UNC5B: variants seen among roughly 807,000 people sequenced by gnomAD.
UNC5B encodes netrin receptor UNC5B.
Under a neutral mutation model 103.7 loss-of-function variants are expected in UNC5B, and 56 were observed. The observed-to-expected ratio is 0.54, with a 90% CI of 0.44 to 0.67. The LOEUF is 0.67. Ranked by LOEUF, UNC5B falls within the 30% of genes least tolerant of loss-of-function variation. UNC5B has a pLI of 0.00. For synonymous variants in UNC5B, 577 were observed against 542.0 expected (o/e 1.06, Z -0.90); for missense variants, 1,194 against 1,284.5 (o/e 0.93, Z 1.08).
intron 1 of UNC5B, among the ~76,000 whole-genome samples, chr10:71,245,366 C>T (rs1447519209): frequency 6.6e-6 from 1 of 152,210 alleles, no homozygotes; most frequent in Admixed American, 6.5e-5. Context: ...TACCGTGAGC[C>T]TAGCTCTGTC....
Position 71,279,844 on chromosome 10 carries a change from C to T in UNC5B, c.103C>T (p.Leu35Phe). 6.2e-7 allele frequency: 1 copy of T among 1,613,638 alleles called. No homozygotes were observed. Among genetic ancestry groups the T allele is most frequent in the Non-Finnish European group, 8.5e-7 (1 of 1,179,844 alleles). ...AGGCACTGATTCTGGCAGCGAGGTG[C>T]TCCCTGACTCCTTCCCGTCAGCGCC... ...QAGTDSGSEV[L>F]PDSFPSAPAE... The change falls in exon 2 of 17, where the codon CTC becomes TTC. Residue 35 changes from leucine (L) to phenylalanine (F), a missense_variant. Leu to Phe is a conservative substitution (Grantham distance 22). Transcript: ENST00000335350.
At chr10:71,276,076 T>G (rs111457014) in intron 1 of UNC5B, among the ~76,000 whole-genome samples, 1 of 152,170 alleles carries the variant, frequency 6.6e-6, no homozygotes, top group African/African-American at 2.4e-5. Flanking sequence ...ATTTTTTCTT[T>G]CAATTTATCC....
At chr10:71,275,595 T>A (rs1448459622) in intron 1 of UNC5B, among the ~76,000 whole-genome samples, 1 of 152,188 alleles carries the variant, frequency 6.6e-6, no homozygotes. Flanking sequence ...ATCACCTGAA[T>A]TTGCCCCCTA....
intron 1 of UNC5B, among the ~76,000 whole-genome samples, chr10:71,215,171 T>C (rs10762430): frequency 6.6e-6 from 1 of 152,076 alleles, no homozygotes; most frequent in African/African-American, 2.4e-5. Flanking sequence ...GGTTTTTCCA[T>C]TGGATCCTTC....
Position 71,291,122 on chromosome 10 carries a change from G to C in UNC5B, c.1294+13G>C, listed in dbSNP as rs1845242132. 2 of 1,605,080 alleles carry C rather than the reference G, an allele frequency of 1.2e-6. No individual in the cohort carries two copies. Among genetic ancestry groups the C allele is most frequent in the African/African-American group, 2.7e-5 (2 of 74,780 alleles). The stretch of plus-strand genomic sequence containing the variant: ...ACGGCAAGGCCCAGTAAGAACCCGA[G>C]GATGTCTGGGGTGGTTGGCAGAGGC... On this transcript the variant is annotated intron_variant, in intron 9 of 16. Transcript: ENST00000335350.
At chr10:71,231,647 A>T (rs115179982) in intron 1 of UNC5B, among the ~76,000 whole-genome samples, 1 of 151,446 alleles carries the variant, frequency 6.6e-6, no homozygotes, top group East Asian at 1.9e-4. Flanking sequence ...AAATCTTAAG[A>T]GTTTTTTTTT....
chr10:71,246,116 G>A (rs761309440), intron 1 of UNC5B, among the ~76,000 whole-genome samples: 1 of 152,134 alleles, frequency 6.6e-6, no homozygotes, highest in Non-Finnish European at 1.5e-5. Flanking sequence ...ACTCCCGCCT[G>A]TGGAAGCCTA....
chr10:71,213,763 T>TGTG lies in UNC5B; in HGVS notation c.79+700_79+701insTGG. Among the ~76,000 whole-genome samples, 1 of 89,350 alleles carries TGTG rather than the reference T, an allele frequency of 1.1e-5. No individual in the cohort carries two copies. The highest frequency in any genetic ancestry group is 1.0e-4 in the Admixed American group (1 of 9,734). The allele number at this position is 89,350 out of a possible 152,430, so 58.6% of individuals were successfully genotyped here. A position where few individuals can be genotyped will look rare whatever the true frequency, so the allele number is the denominator to read the frequency against. On this transcript the variant is annotated intron_variant, in intron 1 of 16. Coordinates refer to ENST00000335350, the MANE Select transcript of UNC5B (RefSeq NM_170744.5). The surrounding 1 kb of genome is among the most constrained non-coding windows in gnomAD (Gnocchi z 4.1). ...TGTGTGTGTGTGTGTGTGTGTGTGT[T>TGTG]GGATGCGGGTAGGGGTTCTTAGCGA...
intron 1 of UNC5B, among the ~76,000 whole-genome samples, chr10:71,236,682 C>G (rs1410007725): frequency 6.6e-6 from 1 of 152,260 alleles, no homozygotes; most frequent in African/African-American, 2.4e-5. Context: ...ACTGGAGACT[C>G]CCTGGCTCTT....
In UNC5B at chr10:71,292,495, C is replaced by T. The variant is rs747757833; in HGVS notation, c.1713C>T (p.Ala571=). 9 of 1,604,230 alleles carry T rather than the reference C, an allele frequency of 5.6e-6. No homozygotes were observed. Among genetic ancestry groups the T allele is most frequent in the Non-Finnish European group, 7.7e-6 (9 of 1,175,594 alleles). ...TCAGCTTGCTGGTGCCCAATGGAGC[C>T]ATTCCCCAGGGCAAGTTCTACGAGA... ...TGVSLLVPNG[A]IPQGKFYEMY... The change falls in exon 11 of 17, where the codon GCC becomes GCT. Residue 571 remains alanine, a synonymous_variant. Coordinates refer to ENST00000335350, the MANE Select transcript of UNC5B (RefSeq NM_170744.5).
In UNC5B at chr10:71,290,930, G is replaced by A. The variant is rs1845232262; in HGVS notation, c.1115G>A (p.Gly372Glu). 1.2e-6 allele frequency: 2 copies of A among 1,612,944 alleles called. No individual in the cohort carries two copies. The highest frequency in any genetic ancestry group is 8.5e-7 in the Non-Finnish European group (1 of 1,179,858). ...DPNSHLLEAS[G>E]DAALYAGLVV... ...GTCCCCGCAGTGCTGGAGGCCTCAG[G>A]GGATGCGGCGCTGTATGCGGGGCTC... Residue 372 changes from glycine (G) to glutamate (E), a missense_variant, in exon 9 of 17, where the codon GGG (glycine) becomes GAG (glutamate). Gly to Glu is a moderately conservative substitution (Grantham distance 98). Coordinates refer to ENST00000335350, the MANE Select transcript of UNC5B (RefSeq NM_170744.5).
chr10:71,287,524 G>T lies in UNC5B; in HGVS notation c.734-74G>T, dbSNP rs1269347846. ...GGCTTCAGCAGAGGGGCCTCGTCAG[G>T]GTGAGGGACGGGTTTGGGGGAGGGC... On this transcript the variant is annotated intron_variant, in intron 5 of 16. Coordinates refer to ENST00000335350, the MANE Select transcript of UNC5B (RefSeq NM_170744.5). The T allele has an allele frequency of 4.6e-6, 7 of 1,507,828 alleles. No individual in the cohort carries two copies. The Middle Eastern group carries it at 9.8e-4, about 212-fold the overall frequency. The allele number at this position is 1,507,828 out of a possible 1,614,324, so 93.4% of individuals were successfully genotyped here.
At chr10:71,271,420 A>T (rs922257063) in intron 1 of UNC5B, among the ~76,000 whole-genome samples, 4 of 152,186 alleles carry the variant, frequency 2.6e-5, no homozygotes, top group Non-Finnish European at 4.4e-5. Flanking sequence ...AAGAAGGGGA[A>T]ACAGAATATC....
At chr10:71,216,363 G>T (rs1388335199) in intron 1 of UNC5B, among the ~76,000 whole-genome samples, 1 of 152,204 alleles carries the variant, frequency 6.6e-6, no homozygotes, top group East Asian at 1.9e-4. Flanking sequence ...GAGGTTGAGA[G>T]TTGGAAGGGT....
At chr10:71,296,225 C>A (rs1363422896) in intron 14 of UNC5B, among the ~76,000 whole-genome samples, 1 of 152,222 alleles carries the variant, frequency 6.6e-6, no homozygotes, top group Admixed American at 6.5e-5. Flanking sequence ...CCTTCATCCT[C>A]ACAGAGGCTC....
At chr10:71,260,967 G>A (rs1473413956) in intron 1 of UNC5B, among the ~76,000 whole-genome samples, 1 of 152,218 alleles carries the variant, frequency 6.6e-6, no homozygotes, top group African/African-American at 2.4e-5. Context: ...CAGCCCTTAC[G>A]AAAGCCACCT....
chr10:71,244,256 CAG>C (rs1843971096), intron 1 of UNC5B, among the ~76,000 whole-genome samples: 1 of 152,264 alleles, frequency 6.6e-6, no homozygotes, highest in African/African-American at 2.4e-5. Context: ...CTGGCCTTCA[CAG>C]GGTGGTGGCA....
Position 71,285,385 on chromosome 10 carries a change from G to A in UNC5B, c.508G>A (p.Val170Ile). 3 of 1,610,438 alleles carry A rather than the reference G, an allele frequency of 1.9e-6. No homozygotes were observed. Among genetic ancestry groups the A allele is most frequent in the Non-Finnish European group, 2.5e-6 (3 of 1,178,958 alleles). The change falls in exon 4 of 17, where the codon GTT becomes ATT. Residue 170 changes from valine to isoleucine, a missense_variant. Physicochemically the swap from Val to Ile is conservative, Grantham distance 29. Transcript: ENST00000335350. ...LGKEVPLDHE[V>I]LLQCRPPEGV... ...CAAGGAGGTGCCCCTGGACCATGAGGTTCTCCTGCAGTGCCGCCCGCCGGA... is the reference window on the plus strand; with the variant it reads ...CAAGGAGGTGCCCCTGGACCATGAGATTCTCCTGCAGTGCCGCCCGCCGGA...
chr10:71,264,081 C>T (rs1434423513), intron 1 of UNC5B, among the ~76,000 whole-genome samples: 1 of 152,180 alleles, frequency 6.6e-6, no homozygotes. Flanking sequence ...GAATGGGCAT[C>T]CCTATTTGCT....
Sources: allele counts gnomAD v4.1 joint callset (sites outside exome capture counted in the v4.1 genomes callset), GRCh38; gene constraint gnomAD v4.1.1; non-coding constraint Gnocchi (gnomAD v3.1); transcripts MANE v1.5; gene names NCBI Gene and HGNC (gene_info 2026-07-23, HGNC 2026-07-21).